PACC1: variants seen among roughly 807,000 people sequenced by gnomAD.
The protein encoded by PACC1 is proton activated chloride channel 1.
In PACC1, 34 loss-of-function variants were observed where a neutral mutation model predicts 39.7. The observed-to-expected ratio is 0.86, with a 90% CI of 0.65 to 1.14. The LOEUF (loss-of-function observed/expected upper bound fraction) is 1.14, where lower values mean the gene tolerates loss of function less well. Ranked by LOEUF, PACC1 falls within the 50% of genes most tolerant of loss-of-function variation. The probability of loss-of-function intolerance (pLI) is 0.00; values close to 1 mark genes in which losing one functional copy is unlikely to be tolerated. For missense variants in PACC1, 379 were observed against 436.4 expected (o/e 0.87, Z 1.17); for synonymous variants, 127 against 160.6 (o/e 0.79, Z 1.58).
intron 2 of PACC1, among the ~76,000 whole-genome samples, chr1:212,406,024 C>T (rs528969095): frequency 6.9e-6 from 1 of 144,940 alleles, no homozygotes; most frequent in South Asian, 2.2e-4. Context: ...TGTCTGTAGT[C>T]TCAACTACTC....
chr1:212,382,430 A>T (rs1301740418), intron 4 of PACC1, among the ~76,000 whole-genome samples: 1 of 152,164 alleles, frequency 6.6e-6, no homozygotes, highest in Non-Finnish European at 1.5e-5. Context: ...AAGGAAATAG[A>T]TAAGGATCCC....
intron 2 of PACC1, among the ~76,000 whole-genome samples, chr1:212,393,707 A>C (rs1266135442): frequency 1.3e-5 from 2 of 152,254 alleles, no homozygotes; most frequent in Non-Finnish European, 2.9e-5. Flanking sequence ...AATAAGGAAG[A>C]AAAGAGAGAA....
At chr1:212,402,546 A>G (rs777901585) in intron 2 of PACC1, among the ~76,000 whole-genome samples, 8 of 152,150 alleles carry the variant, frequency 5.3e-5, no homozygotes, top group Non-Finnish European at 1.0e-4. Flanking sequence ...TGTTCTTTAT[A>G]TATTCTAAAT....
intron 7 of PACC1, 29 bp downstream of exon 7, chr1:212,375,160 TTAAA>T (rs1303084544): frequency 2.7e-6 from 4 of 1,478,598 alleles, no homozygotes; most frequent in African/African-American, 2.8e-5. Context: ...TATCATAATC[TTAAA>T]TAATACTATC....
At position 212,375,443 on chromosome 1, in the gene PACC1, T is replaced by A. The variant is rs561647916; in HGVS notation, c.784-143A>T. 1.8e-4 allele frequency: 105 copies of A among 594,422 alleles called. 3 individuals are homozygous for A. In the South Asian group the frequency reaches 2.3e-3, roughly 13 times the overall value. The allele number at this position is 594,422 out of a possible 1,614,324, so 36.8% of individuals were successfully genotyped here. ...TTTTTTGGAGAGAGAGTGGCAAAAATCTCATATATACAAGATCCTGACATT... is the reference window on the plus strand; with the variant it reads ...TTTTTTGGAGAGAGAGTGGCAAAAAACTCATATATACAAGATCCTGACATT... On this transcript the variant is annotated intron_variant, in intron 6 of 7. Coordinates refer to ENST00000261455, the MANE Select transcript of PACC1 (RefSeq NM_018252.3).
At chr1:212,414,073 C>T (rs1426219300) in intron 1 of PACC1, 2 of 1,533,752 alleles carry the variant, frequency 1.3e-6, no homozygotes, top group Non-Finnish European at 1.7e-6. Context: ...AAGCGCTGGA[C>T]GCACAGCCTG....
At position 212,413,166 on chromosome 1, in the gene PACC1, G is replaced by C. The variant is rs546422510; in HGVS notation, c.36+1556C>G. ...CCACAGCACTGGTTAAAATCCCTCAGACTCCTTTCAGACAAAGGAAACAGA... is the reference window on the plus strand; with the variant it reads ...CCACAGCACTGGTTAAAATCCCTCACACTCCTTTCAGACAAAGGAAACAGA... On this transcript the variant is annotated intron_variant, in intron 1 of 7. Coordinates refer to ENST00000261455, the MANE Select transcript of PACC1 (RefSeq NM_018252.3). Among the ~76,000 whole-genome samples, 4 of 152,264 alleles carry C rather than the reference G, an allele frequency of 2.6e-5. No individual in the cohort carries two copies. The East Asian group carries it at 7.7e-4, about 29-fold the overall frequency.
At position 212,384,566 on chromosome 1, in the gene PACC1, T is replaced by C. The variant is rs1661025978; in HGVS notation, c.495+708A>G. On this transcript the variant is annotated intron_variant, in intron 4 of 7. Coordinates refer to ENST00000261455, the MANE Select transcript of PACC1 (RefSeq NM_018252.3). ...TGCAATTTCCTCTGCCTAGAAAACCTTTCCTTCCCAATTTCATCTGGAAAA... is the reference window on the plus strand; with the variant it reads ...TGCAATTTCCTCTGCCTAGAAAACCCTTCCTTCCCAATTTCATCTGGAAAA... Among the ~76,000 whole-genome samples, 3 of 152,238 alleles carry C rather than the reference T, an allele frequency of 2.0e-5. No homozygotes were observed. In the South Asian group the frequency reaches 6.2e-4, roughly 31 times the overall value.
At chr1:212,384,650 T>A (rs1466783576) in intron 4 of PACC1, among the ~76,000 whole-genome samples, 1 of 152,226 alleles carries the variant, frequency 6.6e-6, no homozygotes, top group Non-Finnish European at 1.5e-5. Flanking sequence ...AAAGATGAGA[T>A]GTAAATCAAT....
chr1:212,385,126 C>T, intron 4 of PACC1, 148 bp downstream of exon 4: 1 of 884,572 alleles, frequency 1.1e-6, no homozygotes, highest in Non-Finnish European at 1.7e-6. Context: ...CAAGTGTCCA[C>T]ATGGCACAGC....
intron 2 of PACC1, among the ~76,000 whole-genome samples, chr1:212,407,849 C>A (rs57647430): frequency 1.3e-5 from 2 of 151,972 alleles, no homozygotes; most frequent in Non-Finnish European, 2.9e-5. Flanking sequence ...CTGAAGTGGG[C>A]GGATCACCTG....
At chr1:212,365,426 A>ATT (rs764118974) in intron 7 of PACC1, 50 bp from the exon 8 acceptor site, 3 of 967,238 alleles carry the variant, frequency 3.1e-6, no homozygotes, top group Non-Finnish European at 2.9e-6. Flanking sequence ...TTCAGTCTTG[A>ATT]TTCTTTTTTT....
At chr1:212,408,986 C>T (rs1662026387) in intron 2 of PACC1, among the ~76,000 whole-genome samples, 1 of 152,228 alleles carries the variant, frequency 6.6e-6, no homozygotes. Flanking sequence ...TGAGCTCCAC[C>T]TCCTGTCAGA....
rs531339896 is a variant in PACC1, at chr1:212,405,358, G to A, written c.133+5067C>T. ...TGCCTCACAGAACTTGTAGGGCAGT[G>A]CCAAGGGATGGATAACAATTAACTG... On this transcript the variant is annotated intron_variant, in intron 2 of 7. Transcript: ENST00000261455. Among the ~76,000 whole-genome samples, 10 of 152,284 alleles carry A rather than the reference G, an allele frequency of 6.6e-5. No individual in the cohort carries two copies. In the East Asian group the frequency reaches 1.9e-3, roughly 29 times the overall value.
intron 7 of PACC1, among the ~76,000 whole-genome samples, chr1:212,371,915 A>C (rs1406808178): frequency 6.6e-6 from 1 of 152,348 alleles, no homozygotes; most frequent in East Asian, 1.9e-4. Flanking sequence ...TAACAGAATC[A>C]AGAACAAAAA....
At chr1:212,394,698 G>A (rs1050724365) in intron 2 of PACC1, among the ~76,000 whole-genome samples, 1 of 152,168 alleles carries the variant, frequency 6.6e-6, no homozygotes, top group African/African-American at 2.4e-5. Flanking sequence ...CATCGTCTCA[G>A]CCCAAAATCT....
intron 2 of PACC1, among the ~76,000 whole-genome samples, chr1:212,403,035 T>C (rs1281812465): frequency 6.6e-6 from 1 of 152,236 alleles, no homozygotes; most frequent in Non-Finnish European, 1.5e-5. Context: ...TATGGAGAAC[T>C]GATTGTAATG....
chr1:212,403,754 A>G (rs1661799722), intron 2 of PACC1, among the ~76,000 whole-genome samples: 1 of 151,972 alleles, frequency 6.6e-6, no homozygotes, highest in African/African-American at 2.4e-5. Context: ...TTGTAGAGAC[A>G]GAGTTTTGCC....
At chr1:212,373,274 A>G (rs1660524687) in intron 7 of PACC1, among the ~76,000 whole-genome samples, 1 of 152,214 alleles carries the variant, frequency 6.6e-6, no homozygotes, top group Non-Finnish European at 1.5e-5. Context: ...TCTCTTCAAT[A>G]AATGGTGCTG....
Sources: allele counts gnomAD v4.1 joint callset (sites outside exome capture counted in the v4.1 genomes callset), GRCh38; gene constraint gnomAD v4.1.1; transcripts MANE v1.5; gene names NCBI Gene and HGNC (gene_info 2026-07-23, HGNC 2026-07-21).